PINX1: variants seen among roughly 807,000 people sequenced by gnomAD.
The protein encoded by PINX1 is PIN2 (TERF1) interacting telomerase inhibitor 1.
PINX1 carries 34 observed loss-of-function variants against 25.4 expected under a neutral mutation model. That is an observed-to-expected ratio of 1.34 (90% CI 1.02 to 1.78). PINX1 has a LOEUF of 1.78. Ranked by LOEUF, PINX1 falls within the 40% of genes most tolerant of loss-of-function variation. PINX1 has a pLI of 0.00. For missense variants in PINX1, 592 were observed against 404.9 expected (o/e 1.46, Z -3.97); for synonymous variants, 197 against 147.7 (o/e 1.33, Z -2.42).
At chr8:10,777,529 G>A (rs891692208) in intron 6 of PINX1, among the ~76,000 whole-genome samples, 24 of 152,330 alleles carry the variant, frequency 1.6e-4, no homozygotes, top group South Asian at 1.2e-3. Context: ...GGCAATGAAC[G>A]AAGCTAGTTG....
chr8:10,769,187 A>G (rs1344074964), intron 6 of PINX1, among the ~76,000 whole-genome samples: 2 of 152,162 alleles, frequency 1.3e-5, no homozygotes, highest in Non-Finnish European at 2.9e-5. Context: ...GATTCGGGAA[A>G]TGTCTCTCTC....
intron 6 of PINX1, among the ~76,000 whole-genome samples, chr8:10,808,786 CCTAT>C (rs756634872): frequency 1.3e-5 from 2 of 152,122 alleles, no homozygotes; most frequent in Admixed American, 6.5e-5. Context: ...AACCAATCGG[CCTAT>C]CTGACATGAA....
At chr8:10,831,993 C>T (rs1031640891) in intron 3 of PINX1, among the ~76,000 whole-genome samples, 2 of 152,156 alleles carry the variant, frequency 1.3e-5, no homozygotes, top group Non-Finnish European at 2.9e-5. Flanking sequence ...AATGACTTAT[C>T]GATCAAGTCA....
intron 5 of PINX1, among the ~76,000 whole-genome samples, chr8:10,823,522 A>C (rs117263379): frequency 0.022 from 3,343 of 152,306 alleles, 60 homozygotes; most frequent in Non-Finnish European, 0.033. Context: ...TGCATTAAAA[A>C]AAAATACAAA....
At chr8:10,778,486 G>A (rs1364104697) in intron 6 of PINX1, among the ~76,000 whole-genome samples, 2 of 152,114 alleles carry the variant, frequency 1.3e-5, no homozygotes, top group South Asian at 4.1e-4. Flanking sequence ...ATCTCCTGTA[G>A]GGTTCAAGTG....
chr8:10,787,974 ATT>A (rs1801804499), intron 6 of PINX1: 1 of 362,320 alleles, frequency 2.8e-6, no homozygotes, highest in Non-Finnish European at 5.3e-6. Flanking sequence ...AAACTTGAAC[ATT>A]GACTGGATTT....
At chr8:10,766,052 CT>C in intron 6 of PINX1, 136 bp from the exon 7 acceptor site, 1 of 795,828 alleles carries the variant, frequency 1.3e-6, no homozygotes, top group Non-Finnish European at 2.0e-6. Flanking sequence ...ACACCCGGCA[CT>C]TAGGAGACAA....
chr8:10,767,322 C>A (rs1779490884), intron 6 of PINX1, among the ~76,000 whole-genome samples: 1 of 152,060 alleles, frequency 6.6e-6, no homozygotes, highest in South Asian at 2.1e-4. Flanking sequence ...AGTTGCAGTT[C>A]CAGCAGAATC....
intron 1 of PINX1, 122 bp downstream of exon 1, chr8:10,839,616 C>T (rs1479236057): frequency 2.6e-5 from 26 of 991,052 alleles, no homozygotes; most frequent in East Asian, 7.9e-5. Context: ...GCTCCCCGGT[C>T]CCCCGATCCC....
intron 6 of PINX1, among the ~76,000 whole-genome samples, chr8:10,814,940 C>T (rs1361565623): frequency 6.6e-6 from 1 of 152,098 alleles, no homozygotes; most frequent in Non-Finnish European, 1.5e-5. Flanking sequence ...GCAATTTCTT[C>T]TTTTTCTTCG....
At chr8:10,814,102 A>T (rs1432962354) in intron 6 of PINX1, among the ~76,000 whole-genome samples, 1 of 152,180 alleles carries the variant, frequency 6.6e-6, no homozygotes, top group Admixed American at 6.5e-5. Context: ...TCAATTCATT[A>T]TCTTCGATCA....
At chr8:10,793,166 T>G (rs910807199) in intron 6 of PINX1, among the ~76,000 whole-genome samples, 22 of 152,192 alleles carry the variant, frequency 1.4e-4, no homozygotes, top group African/African-American at 4.8e-4. Flanking sequence ...AGTGTAAGCT[T>G]GAAGAGCTCC....
At chr8:10,790,206 T>A (rs1398920606) in intron 6 of PINX1, among the ~76,000 whole-genome samples, 1 of 152,082 alleles carries the variant, frequency 6.6e-6, no homozygotes, top group African/African-American at 2.4e-5. Context: ...CTGTAAGCGA[T>A]CTAACGGGGC....
At chr8:10,798,588 C>G (rs1802163041) in intron 6 of PINX1, among the ~76,000 whole-genome samples, 1 of 152,226 alleles carries the variant, frequency 6.6e-6, no homozygotes, top group Non-Finnish European at 1.5e-5. Context: ...CCAGGCAATT[C>G]AAAAGCTGCA....
intron 6 of PINX1, among the ~76,000 whole-genome samples, chr8:10,778,168 C>A (rs112808922): frequency 0.03 from 4,562 of 152,158 alleles, 100 homozygotes; most frequent in Middle Eastern, 0.088. Context: ...AAAACCTAGA[C>A]TAAGCAGGGA....
At chr8:10,769,440 G>T (rs754222715) in intron 6 of PINX1, among the ~76,000 whole-genome samples, 15 of 152,160 alleles carry the variant, frequency 9.9e-5, no homozygotes, top group Non-Finnish European at 1.9e-4. Flanking sequence ...CAATCAATAA[G>T]TACTTGTGGC....
At chr8:10,826,331 T>A (rs1586202517) in intron 4 of PINX1, 87 bp from the exon 5 acceptor site, 1 of 660,006 alleles carries the variant, frequency 1.5e-6, no homozygotes, top group Non-Finnish European at 2.5e-6. Context: ...TGAAAGAAAA[T>A]TTTAGGAGCC....
rs528151205 is a variant in PINX1 at position 10,769,313 on chromosome 8, G to C, written c.472-3397C>G. Among the ~76,000 whole-genome samples, 6 of 152,312 alleles carry C rather than the reference G, an allele frequency of 3.9e-5. No homozygotes were observed. The South Asian group carries it at 1.2e-3, about 32-fold the overall frequency. On this transcript the variant is annotated intron_variant, in intron 6 of 6. Coordinates refer to ENST00000314787, the MANE Select transcript of PINX1 (RefSeq NM_017884.6). The stretch of plus-strand genomic sequence containing the variant: ...AAAATAAGCAGGACTGGCCTAGTCT[G>C]TTCACAGCAAGCCTCACAGTCCTCT...
At chr8:10,774,695 G>A (rs1307217821) in intron 6 of PINX1, among the ~76,000 whole-genome samples, 1 of 152,152 alleles carries the variant, frequency 6.6e-6, no homozygotes. Flanking sequence ...GGTAAATTAG[G>A]TGAATATAGT....
Sources: allele counts gnomAD v4.1 joint callset (sites outside exome capture counted in the v4.1 genomes callset), GRCh38; gene constraint gnomAD v4.1.1; transcripts MANE v1.5; gene names NCBI Gene and HGNC (gene_info 2026-07-23, HGNC 2026-07-21).